SHCBP1: variants seen among roughly 807,000 people sequenced by gnomAD.
The protein encoded by SHCBP1 is SHC binding and spindle associated 1.
In SHCBP1, 60 loss-of-function variants were observed where a neutral mutation model predicts 75.1. The observed-to-expected ratio is 0.80, with a 90% CI of 0.65 to 0.99. The LOEUF (loss-of-function observed/expected upper bound fraction) is 0.99. Ranked by LOEUF, SHCBP1 falls within the 50% of genes least tolerant of loss-of-function variation. The pLI, the probability that SHCBP1 is intolerant of heterozygous loss-of-function variation, is 0.00. For missense variants in SHCBP1, 709 were observed against 809.4 expected (o/e 0.88, Z 1.50); for synonymous variants, 290 against 293.2 (o/e 0.99, Z 0.11).
intron 4 of SHCBP1, among the ~76,000 whole-genome samples, chr16:46,610,544 A>ATTTTT (rs60140518): frequency 0.019 from 589 of 31,054 alleles, 212 homozygotes; most frequent in Non-Finnish European, 0.027. Context: ...CATGGGGTCA[A>ATTTTT]TTTTTTTTTT....
chr16:46,583,133 C>T (rs574910181), intron 12 of SHCBP1, among the ~76,000 whole-genome samples: 5 of 152,156 alleles, frequency 3.3e-5, no homozygotes, highest in South Asian at 2.1e-4. Flanking sequence ...CCTTAACAAA[C>T]GCCAGTAGGA....
At position 46,604,363 on chromosome 16, in the gene SHCBP1, T is replaced by A. The variant is rs1414439853; in HGVS notation, c.788A>T (p.Asn263Ile). 4 of 1,614,104 alleles carry A rather than the reference T, an allele frequency of 2.5e-6. No individual in the cohort carries two copies. The highest frequency in any genetic ancestry group is 2.5e-6 in the Non-Finnish European group (3 of 1,180,038). The change falls in exon 6 of 13, where the codon AAT becomes ATT. Residue 263 changes from asparagine to isoleucine, a missense_variant. Transcript: ENST00000303383. Reference sequence around the variant, plus strand: ...ACAATTTGACAAACTGCTTCTCAGATTTAAAAATTTCCTGTAACTCTCCTC... The same window carrying A: ...ACAATTTGACAAACTGCTTCTCAGAATTAAAAATTTCCTGTAACTCTCCTC... The part of the protein sequence containing the change: ...QCEESYRKFL[N>I]LRSSLSNCNS...
intron 10 of SHCBP1, among the ~76,000 whole-genome samples, chr16:46,593,115 C>T (rs1044433256): frequency 1.3e-4 from 20 of 151,010 alleles, no homozygotes; most frequent in African/African-American, 4.6e-4. Flanking sequence ...AAATTCTAGC[C>T]AGTGCAATAA....
rs377365467 is a variant in SHCBP1, at chr16:46,621,281, G to T, written c.79C>A (p.Gln27Lys). 4 of 1,610,132 alleles carry T rather than the reference G, an allele frequency of 2.5e-6. No homozygotes were observed. The highest frequency in any genetic ancestry group is 2.5e-6 in the Non-Finnish European group (3 of 1,178,848). Residue 27 changes from glutamine to lysine, a missense_variant, in exon 1 of 13, where the codon CAG (glutamine) becomes AAG (lysine). Coordinates refer to ENST00000303383, the MANE Select transcript of SHCBP1 (RefSeq NM_024745.5). ...CCTTTCTCCAGAGACGCCAGCTCCT[G>T]CTCCACCGCCCAGCCCATGCGCTCC... The part of the protein sequence containing the change: ...APERMGWAVE[Q>K]ELASLEKGLF...
chr16:46,588,093 CACAA>C (rs1405148467), intron 10 of SHCBP1, among the ~76,000 whole-genome samples: 3 of 152,148 alleles, frequency 2.0e-5, no homozygotes, highest in African/African-American at 7.2e-5. Flanking sequence ...GAAATGAAGG[CACAA>C]ACAAAGATGT....
At chr16:46,605,578 G>GAGCA (rs771518349) in intron 5 of SHCBP1, among the ~76,000 whole-genome samples, 24 of 152,122 alleles carry the variant, frequency 1.6e-4, no homozygotes, top group Non-Finnish European at 3.2e-4. Context: ...CTGGGCAACA[G>GAGCA]AGCAAGACCC....
In SHCBP1 at chr16:46,603,521, T is replaced by A. The variant is rs768785118; in HGVS notation, c.1213+18A>T. ...CATATCACGTGTGAGAGTTTGGTTGTGTGTCTTCCATACTCACCTTCCAAC... is the reference window on the plus strand; with the variant it reads ...CATATCACGTGTGAGAGTTTGGTTGAGTGTCTTCCATACTCACCTTCCAAC... On this transcript the variant is annotated intron_variant, in intron 8 of 12. Transcript: ENST00000303383. The A allele has an allele frequency of 2.3e-5, 37 of 1,613,828 alleles. No homozygotes were observed. The highest frequency in any genetic ancestry group is 2.5e-6 in the Non-Finnish European group (3 of 1,179,964).
At chr16:46,605,707 G>C (rs1462771495) in intron 5 of SHCBP1, among the ~76,000 whole-genome samples, 2 of 152,104 alleles carry the variant, frequency 1.3e-5, no homozygotes, top group Non-Finnish European at 2.9e-5. Context: ...CTAATGTGTA[G>C]CCAAGAGTGA....
chr16:46,604,129 T>G lies in SHCBP1; in HGVS notation c.938A>C (p.Tyr313Ser). The change falls in exon 7 of 13, where the codon TAT becomes TCT. Residue 313 changes from tyrosine (Y) to serine (S), a missense_variant. Coordinates refer to ENST00000303383, the MANE Select transcript of SHCBP1 (RefSeq NM_024745.5). Reference protein sequence around the residue: ...ENPLLRYVFGYQKNSNIQAKG... With the variant: ...ENPLLRYVFGSQKNSNIQAKG... ...TGCTTGGATGTTAGAATTCTTCTGATAACCAAACACATACCTTAAAGAAAC... is the reference window on the plus strand; with the variant it reads ...TGCTTGGATGTTAGAATTCTTCTGAGAACCAAACACATACCTTAAAGAAAC... The G allele has an allele frequency of 6.2e-7, 1 of 1,614,090 alleles. No individual in the cohort carries two copies. The highest frequency in any genetic ancestry group is 8.5e-7 in the Non-Finnish European group (1 of 1,180,016).
intron 4 of SHCBP1, among the ~76,000 whole-genome samples, chr16:46,609,437 CTTTTCTTTTTTTTTTTT>C (rs1965372796): frequency 8.6e-6 from 1 of 116,712 alleles, no homozygotes; most frequent in Non-Finnish European, 1.8e-5. Context: ...CCACACTTTT[CTTTTCTTTTTTTTTTTT>C]TTTTTTTTTT....
At chr16:46,600,759 T>C (rs1172918517) in intron 8 of SHCBP1, among the ~76,000 whole-genome samples, 1 of 152,204 alleles carries the variant, frequency 6.6e-6, no homozygotes, top group Non-Finnish European at 1.5e-5. Context: ...ACGCCTGTAA[T>C]CCCAGCACTT....
intron 4 of SHCBP1, among the ~76,000 whole-genome samples, chr16:46,610,487 A>G (rs1486145772): frequency 1.5e-5 from 2 of 136,768 alleles, no homozygotes; most frequent in African/African-American, 5.4e-5. Context: ...TTCCCTTGCA[A>G]TTTATTGACT....
In SHCBP1 at chr16:46,621,373, G is replaced by C; in HGVS notation, c.-14C>G. On this transcript the variant is annotated 5_prime_UTR_variant, in exon 1 of 13. Coordinates refer to ENST00000303383, the MANE Select transcript of SHCBP1 (RefSeq NM_024745.5). ...CCCGTCAGCCATTTCAAATTTCCGC[G>C]GACGGCAGCCCAGGCAACGACGTGA... 1 of 1,609,886 alleles carries C rather than the reference G, an allele frequency of 6.2e-7. No individual in the cohort carries two copies. The highest frequency in any genetic ancestry group is 8.5e-7 in the Non-Finnish European group (1 of 1,178,192).
chr16:46,611,009 C>A (rs1965407634), intron 4 of SHCBP1, among the ~76,000 whole-genome samples: 1 of 152,136 alleles, frequency 6.6e-6, no homozygotes, highest in African/African-American at 2.4e-5. Flanking sequence ...TCATTCCTGG[C>A]CAAAGCCACT....
chr16:46,606,635 G>T (rs577805629), intron 5 of SHCBP1, among the ~76,000 whole-genome samples: 1 of 152,142 alleles, frequency 6.6e-6, no homozygotes, highest in Non-Finnish European at 1.5e-5. Flanking sequence ...AAGAGCAAAG[G>T]TATCAAACCT....
rs1281252386 is a variant in SHCBP1, at chr16:46,583,539, T to C, written c.1670A>G (p.Glu557Gly). 1.2e-6 allele frequency: 2 copies of C among 1,600,828 alleles called. No homozygotes were observed. The highest frequency in any genetic ancestry group is 2.7e-5 in the African/African-American group (2 of 73,912). Reference protein sequence around the residue: ...VKPTIFSDLQENAEDGTEENK... With the variant: ...VKPTIFSDLQGNAEDGTEENK... ...ACCTTCAGTTCCATCTTCAGCATTTTCTTGCAGGTCAGAGAAGATTGTAGG... is the reference window on the plus strand; with the variant it reads ...ACCTTCAGTTCCATCTTCAGCATTTCCTTGCAGGTCAGAGAAGATTGTAGG... Residue 557 changes from glutamate (E) to glycine (G), a missense_variant, in exon 12 of 13, where the codon GAA becomes GGA. Glu to Gly is a moderately conservative substitution (Grantham distance 98). Transcript: ENST00000303383.
rs375868096 is a variant in SHCBP1, at chr16:46,580,390, T to C, written c.*1339A>G. 2.0e-5 allele frequency among the ~76,000 whole-genome samples: 3 copies of C among 152,154 alleles called. No individual in the cohort carries two copies. The highest frequency in any genetic ancestry group is 4.1e-4 in the South Asian group (2 of 4,828). On this transcript the variant is annotated 3_prime_UTR_variant, in exon 13 of 13. Coordinates refer to ENST00000303383, the MANE Select transcript of SHCBP1 (RefSeq NM_024745.5). Reference sequence around the variant, plus strand: ...CCAAAAAATAAGAATTATTTTTTACTCAAATTTAAAAAACAAACATAACCA... The same window carrying C: ...CCAAAAAATAAGAATTATTTTTTACCCAAATTTAAAAAACAAACATAACCA...
At chr16:46,599,556 T>C (rs1300948029) in intron 9 of SHCBP1, among the ~76,000 whole-genome samples, 4 of 151,016 alleles carry the variant, frequency 2.6e-5, no homozygotes, top group Non-Finnish European at 5.9e-5. Context: ...GCATATTATC[T>C]ATATTGTGAG....
intron 4 of SHCBP1, 102 bp from the exon 5 acceptor site, chr16:46,608,491 C>T: frequency 1.4e-6 from 1 of 720,634 alleles, no homozygotes; most frequent in Non-Finnish European, 2.4e-6. Flanking sequence ...ATTCTCATAT[C>T]TTAGAGAATG....
Sources: allele counts gnomAD v4.1 joint callset (sites outside exome capture counted in the v4.1 genomes callset), GRCh38; gene constraint gnomAD v4.1.1; transcripts MANE v1.5; gene names NCBI Gene and HGNC (gene_info 2026-07-23, HGNC 2026-07-21).